The following PEAK1 variants were observed in gnomAD, a reference collection of about 807,000 sequenced individuals.
PEAK1 encodes pseudopodium enriched atypical kinase 1, also known as inactive tyrosine-protein kinase PEAK1.
A neutral mutation model predicts 124.7 loss-of-function variants in PEAK1; 54 were observed. The observed-to-expected ratio is 0.43, with a 90% CI of 0.35 to 0.54. The LOEUF (loss-of-function observed/expected upper bound fraction) is 0.54, where lower values mean the gene tolerates loss of function less well. PEAK1 is among the 20% of genes least tolerant of loss of function. The pLI is 0.01. For missense variants in PEAK1, 2,046 were observed against 2,134.5 expected (o/e 0.96, Z 0.82); for synonymous variants, 719 against 760.0 (o/e 0.95, Z 0.89).
intron 1 of PEAK1, chr15:77,402,648 C>A (rs2071470806): frequency 1.0e-6 from 1 of 985,088 alleles, no homozygotes; most frequent in Non-Finnish European, 1.2e-6. Context: ...GAAAACTGTG[C>A]CAACTACTCC....
chr15:77,401,720 T>C (rs1239082139), intron 1 of PEAK1: 1 of 984,926 alleles, frequency 1.0e-6, no homozygotes, highest in Non-Finnish European at 1.2e-6. Context: ...TGAAATGCAA[T>C]TTGGTATACA....
intron 2 of PEAK1, chr15:77,347,404 C>T (rs1030324831): frequency 3.8e-5 from 37 of 985,188 alleles, no homozygotes; most frequent in Non-Finnish European, 3.9e-5. Flanking sequence ...CATCAGAGTA[C>T]TGGCTGAATC....
exon 7 of PEAK1, chr15:77,102,683 A>C (rs541966359): frequency 6.6e-6 from 1 of 152,208 alleles, no homozygotes; most frequent in East Asian, 1.9e-4. Context: ...CCTATATTAC[A>C]TATACTAGTT....
chr15:77,411,933 C>A (rs1435154623), intron 1 of PEAK1, among the ~76,000 whole-genome samples: 1 of 152,124 alleles, frequency 6.6e-6, no homozygotes, highest in African/African-American at 2.4e-5. Context: ...ATATCTTTAT[C>A]AGGTATGTGG....
chr15:77,145,285 C>A (rs1455066026), intron 8 of PEAK1, among the ~76,000 whole-genome samples: 1 of 152,094 alleles, frequency 6.6e-6, no homozygotes, highest in Non-Finnish European at 1.5e-5. Context: ...CCCATCTCCA[C>A]TAAAATACAA....
chr15:77,120,800 C>T (rs2051843092), intron 9 of PEAK1, among the ~76,000 whole-genome samples: 1 of 152,230 alleles, frequency 6.6e-6, no homozygotes, highest in African/African-American at 2.4e-5. Flanking sequence ...AGTCCTACTT[C>T]CCACCTGTGT....
chr15:77,227,423 A>ATTTT (rs1481074097), intron 6 of PEAK1, among the ~76,000 whole-genome samples: 3 of 152,108 alleles, frequency 2.0e-5, no homozygotes, highest in East Asian at 3.9e-4. Flanking sequence ...TGAACAACAT[A>ATTTT]CAGACAGGAA....
chr15:77,125,163 G>A (rs1411361858), intron 9 of PEAK1, among the ~76,000 whole-genome samples: 2 of 152,080 alleles, frequency 1.3e-5, no homozygotes, highest in African/African-American at 4.8e-5. Context: ...TGCCAGCTAT[G>A]GACATGATAT....
At chr15:77,184,242 G>A (rs2057425412) in intron 6 of PEAK1, among the ~76,000 whole-genome samples, 1 of 151,818 alleles carries the variant, frequency 6.6e-6, no homozygotes, top group Admixed American at 6.6e-5. Context: ...TTAGCCACAT[G>A]GAAGTGCAAA....
At chr15:77,298,702 G>A (rs2063637758) in intron 2 of PEAK1, among the ~76,000 whole-genome samples, 1 of 152,096 alleles carries the variant, frequency 6.6e-6, no homozygotes, top group Non-Finnish European at 1.5e-5. Context: ...TTAGGGGTAG[G>A]AAAATAGTAT....
chr15:77,294,231 A>C (rs1410520279), intron 2 of PEAK1, among the ~76,000 whole-genome samples: 3 of 152,224 alleles, frequency 2.0e-5, no homozygotes, highest in Non-Finnish European at 4.4e-5. Context: ...CCTAGAACAC[A>C]CAGGTACTTT....
At chr15:77,356,309 T>C (rs1211109716) in intron 2 of PEAK1, among the ~76,000 whole-genome samples, 1 of 152,102 alleles carries the variant, frequency 6.6e-6, no homozygotes, top group East Asian at 1.9e-4. Context: ...AAGATCACAA[T>C]AGATACTACT....
chr15:77,275,011 T>G (rs2152958630), intron 5 of PEAK1, among the ~76,000 whole-genome samples: 1 of 152,306 alleles, frequency 6.6e-6, no homozygotes, highest in Admixed American at 6.5e-5. Flanking sequence ...TAATGGCATT[T>G]GCAGCAACCT....
At chr15:77,145,097 C>T (rs2054078049) in intron 8 of PEAK1, among the ~76,000 whole-genome samples, 1 of 152,208 alleles carries the variant, frequency 6.6e-6, no homozygotes, top group Non-Finnish European at 1.5e-5. Context: ...ACACTCAAAA[C>T]TTACTTTTCT....
Position 77,379,904 on chromosome 15 carries a change from A to G in PEAK1, c.-665-14679T>C, listed in dbSNP as rs530132404. 2.5e-3 allele frequency among the ~76,000 whole-genome samples: 387 copies of G among 152,282 alleles called. 4 individuals carry two copies. The highest frequency in any genetic ancestry group is 4.2e-3 in the Non-Finnish European group (284 of 68,020). On this transcript the variant is annotated intron_variant, in intron 1 of 9. Transcript: ENST00000682557. ...CCAAAATGCTGGTTTTCAATACTTAATTTGGATAACTACTCCAAACCTACC... is the reference window on the plus strand; with the variant it reads ...CCAAAATGCTGGTTTTCAATACTTAGTTTGGATAACTACTCCAAACCTACC...
At chr15:77,402,763 T>C in intron 1 of PEAK1, 2 of 985,402 alleles carry the variant, frequency 2.0e-6, no homozygotes, top group Non-Finnish European at 2.4e-6. Context: ...ACTTTCATAC[T>C]GCACATGCCA....
chr15:77,386,464 A>G (rs1223277071), intron 1 of PEAK1, among the ~76,000 whole-genome samples: 1 of 152,212 alleles, frequency 6.6e-6, no homozygotes, highest in Non-Finnish European at 1.5e-5. Context: ...CATAAATTCA[A>G]TATCTGTTTA....
At chr15:77,338,278 A>G (rs2066318671) in intron 2 of PEAK1, among the ~76,000 whole-genome samples, 2 of 152,228 alleles carry the variant, frequency 1.3e-5, no homozygotes, top group Non-Finnish European at 2.9e-5. Context: ...ATTCATCAGC[A>G]TAAATAATTA....
intron 2 of PEAK1, among the ~76,000 whole-genome samples, chr15:77,317,940 T>C (rs1261472048): frequency 6.6e-6 from 1 of 152,160 alleles, no homozygotes; most frequent in African/African-American, 2.4e-5. Flanking sequence ...TATATACAAA[T>C]ACTGTATGAT....
Sources: gnomAD v4.1 joint callset for allele counts (sites outside exome capture counted in the v4.1 genomes callset) on GRCh38, gnomAD v4.1.1 for gene constraint, MANE v1.5 for transcripts, NCBI Gene and HGNC (gene_info 2026-07-23, HGNC 2026-07-21) for gene names.